The following LARGE1 variants were observed in gnomAD, a reference collection of about 807,000 sequenced individuals.
LARGE1 encodes LARGE xylosyl- and glucuronyltransferase 1, also known as xylosyl- and glucuronyltransferase LARGE1.
A neutral mutation model predicts 87.6 loss-of-function variants in LARGE1; 43 were observed. The ratio of observed to expected loss-of-function variants is 0.49; its 90% CI spans 0.38 to 0.63. The LOEUF is 0.63. Among genes scored for constraint, LARGE1 ranks in the 30% least tolerant of loss-of-function variants. The pLI, the probability that LARGE1 is intolerant of heterozygous loss-of-function variation, is 0.00. For missense variants in LARGE1, 802 were observed against 1,000.2 expected, an observed-to-expected ratio of 0.80 and a Z score of 2.67; for synonymous variants, 434 against 394.6, an observed-to-expected ratio of 1.10 and a Z score of -1.18.
At chr22:33,602,256 GTT>G in intron 5 of LARGE1, among the ~76,000 whole-genome samples, 1 of 151,996 alleles carries the variant, frequency 6.6e-6, no homozygotes, top group South Asian at 2.1e-4. Context: ...TTTGAAATTA[GTT>G]TTTTCCCAAT....
At position 33,503,778 on chromosome 22, in the gene LARGE1, G is replaced by A. The variant is rs56387118; in HGVS notation, c.787+61070C>T. Among the ~76,000 whole-genome samples, 5 of 151,784 alleles carry A rather than the reference G, an allele frequency of 3.3e-5. No homozygotes were observed. The East Asian group carries it at 5.9e-4, about 18-fold the overall frequency. The stretch of plus-strand genomic sequence containing the variant: ...CGCATCACTGCACTCTAGCCTGGGC[G>A]ACAGAGCAAGACTCTGTCTCAAAAA... On this transcript the variant is annotated intron_variant, in intron 6 of 14. Coordinates refer to ENST00000397394, the MANE Select transcript of LARGE1 (RefSeq NM_133642.5).
In LARGE1 at chr22:33,418,131, T is replaced by C. The variant is rs916507733; in HGVS notation, c.892+14030A>G. ...CCTGGCTAATTGTTTGTATTTTTAG[T>C]AGAGACGAGGTTTCACCGTGTTAGC... On this transcript the variant is annotated intron_variant, in intron 7 of 14. Coordinates refer to ENST00000397394, the MANE Select transcript of LARGE1 (RefSeq NM_133642.5). Among the ~76,000 whole-genome samples the C allele has an allele frequency of 1.3e-5, 2 of 152,278 alleles. 1 individual carries two copies. The highest frequency in any genetic ancestry group is 4.8e-5 in the African/African-American group (2 of 41,566).
the LARGE1 span, among the ~76,000 whole-genome samples, chr22:33,131,692 C>G: frequency 4.9e-4 from 74 of 152,280 alleles, 1 homozygote; most frequent in Non-Finnish European, 8.2e-4. Flanking sequence ...AAAGACCCAC[C>G]CCCAAGATTC....
chr22:33,449,556 T>C (rs1376950988), intron 6 of LARGE1, among the ~76,000 whole-genome samples: 1 of 152,232 alleles, frequency 6.6e-6, no homozygotes, highest in Non-Finnish European at 1.5e-5. Flanking sequence ...TCATTACAGC[T>C]ACAACCGCAT....
At chr22:33,871,998 A>AT (rs2064302044) in intron 1 of LARGE1, among the ~76,000 whole-genome samples, 1 of 150,050 alleles carries the variant, frequency 6.7e-6, no homozygotes, top group Non-Finnish European at 1.5e-5. Flanking sequence ...AAAAAAAAAA[A>AT]GAAAAGAAAA....
chr22:33,711,872 G>T (rs1199368121), intron 2 of LARGE1, among the ~76,000 whole-genome samples: 1 of 151,980 alleles, frequency 6.6e-6, no homozygotes, highest in Non-Finnish European at 1.5e-5. Flanking sequence ...TGTTGCGTAG[G>T]TCACTCTTGA....
At chr22:33,110,947 G>A in the LARGE1 span, among the ~76,000 whole-genome samples, 244 of 152,192 alleles carry the variant, frequency 1.6e-3, no homozygotes, top group Non-Finnish European at 2.7e-3. Context: ...GTGAGGCAGA[G>A]GTAAACAAAA....
At chr22:33,321,559 T>G (rs1936713564) in intron 10 of LARGE1, among the ~76,000 whole-genome samples, 1 of 152,216 alleles carries the variant, frequency 6.6e-6, no homozygotes. Context: ...AGAGCAGGGT[T>G]GGCTTTTTTT....
chr22:33,280,724 A>G (rs924248707), intron 13 of LARGE1, among the ~76,000 whole-genome samples: 1 of 152,194 alleles, frequency 6.6e-6, no homozygotes, highest in Non-Finnish European at 1.5e-5. Flanking sequence ...CTTCCCTGCT[A>G]AAAAAGGGAT....
chr22:33,222,565 T>C (rs1925510280), intron 11 of LARGE1, among the ~76,000 whole-genome samples: 1 of 152,174 alleles, frequency 6.6e-6, no homozygotes, highest in African/African-American at 2.4e-5. Context: ...CTCAGTCCAA[T>C]AGCAAGTGAT....
intron 6 of LARGE1, among the ~76,000 whole-genome samples, chr22:33,443,013 C>T (rs570660450): frequency 1.3e-4 from 20 of 152,164 alleles, no homozygotes; most frequent in African/African-American, 4.8e-4. Context: ...AGGATGGTCT[C>T]GATCTCTTGA....
chr22:33,305,507 G>C, intron 11 of LARGE1: 1 of 807,600 alleles, frequency 1.2e-6, no homozygotes, highest in Non-Finnish European at 1.5e-6. Context: ...AACAGCAAAA[G>C]CCTACTTGAA....
chr22:33,637,286 T>C (rs544260904), intron 3 of LARGE1, among the ~76,000 whole-genome samples: 1 of 152,168 alleles, frequency 6.6e-6, no homozygotes, highest in South Asian at 2.1e-4. Context: ...GAGAGTTGCA[T>C]CTTTATTTGT....
intron 11 of LARGE1, among the ~76,000 whole-genome samples, chr22:33,195,756 CT>C (rs71187249): frequency 0.03 from 3,975 of 130,614 alleles, 141 homozygotes; most frequent in African/African-American, 0.11. Flanking sequence ...TTTCTTTTTT[CT>C]TTTTTTTTTT....
chr22:33,773,869 T>C (rs1314875714), intron 1 of LARGE1, among the ~76,000 whole-genome samples: 1 of 152,188 alleles, frequency 6.6e-6, no homozygotes, highest in Non-Finnish European at 1.5e-5. Flanking sequence ...GTAGTATTAA[T>C]AGGACTAAAA....
chr22:33,399,043 G>A (rs757244691), intron 7 of LARGE1, among the ~76,000 whole-genome samples: 5 of 152,096 alleles, frequency 3.3e-5, no homozygotes, highest in Non-Finnish European at 7.4e-5. Flanking sequence ...AGATATACAC[G>A]TGGCATGGTG....
chr22:33,236,407 G>A (rs1355250888), intron 11 of LARGE1, among the ~76,000 whole-genome samples: 1 of 152,134 alleles, frequency 6.6e-6, no homozygotes, highest in Non-Finnish European at 1.5e-5. Flanking sequence ...TGTCAGCTTG[G>A]TTTCATTTTT....
intron 12 of LARGE1, among the ~76,000 whole-genome samples, chr22:33,299,989 T>A (rs1933921496): frequency 6.6e-6 from 1 of 152,262 alleles, no homozygotes; most frequent in African/African-American, 2.4e-5. Flanking sequence ...GCTGTAATAT[T>A]AGCTGGTTGC....
intron 6 of LARGE1, among the ~76,000 whole-genome samples, chr22:33,558,746 G>T (rs2077768465): frequency 6.6e-6 from 1 of 152,184 alleles, no homozygotes; most frequent in Admixed American, 6.5e-5. Context: ...CTGATTATAA[G>T]CATAAAATTT....
Sources: gnomAD v4.1 joint callset for allele counts (sites outside exome capture counted in the v4.1 genomes callset) on GRCh38, gnomAD v4.1.1 for gene constraint, MANE v1.5 for transcripts, NCBI Gene and HGNC (gene_info 2026-07-23, HGNC 2026-07-21) for gene names.